Variants in GABRA3 observed in about 807,000 individuals in gnomAD.
The protein encoded by GABRA3 is gamma-aminobutyric acid type A receptor subunit alpha3, also known as gamma-aminobutyric acid receptor subunit alpha-3.
A neutral mutation model predicts 30.1 loss-of-function variants in GABRA3; 10 were observed. That is an observed-to-expected ratio of 0.33 (90% CI 0.20 to 0.56). The LOEUF (loss-of-function observed/expected upper bound fraction) is 0.56, where lower values mean the gene tolerates loss of function less well. Among genes scored for constraint, GABRA3 ranks in the 20% least tolerant of loss-of-function variants. The pLI is 0.89. For missense variants in GABRA3, 233 were observed against 392.0 expected (o/e 0.59, Z 3.42); for synonymous variants, 151 against 146.8 (o/e 1.03, Z -0.21).
chrX:152,280,514 T>C (rs914796067), intron 4 of GABRA3, among the ~76,000 whole-genome samples: 1 of 109,017 alleles, frequency 9.2e-6, no homozygotes, highest in Non-Finnish European at 1.9e-5. Flanking sequence ...ATTAACACAA[T>C]TTTTTTTTCT....
intron 5 of GABRA3, among the ~76,000 whole-genome samples, chrX:152,227,171 G>A (rs1191980230): frequency 9.2e-6 from 1 of 109,166 alleles, no homozygotes; most frequent in African/African-American, 3.4e-5. Context: ...AGAAAATGTG[G>A]CACATATACA....
intron 1 of GABRA3, among the ~76,000 whole-genome samples, chrX:152,368,894 AC>A (rs1358132710): frequency 1.8e-4 from 20 of 109,402 alleles, no homozygotes; most frequent in African/African-American, 6.6e-4. Flanking sequence ...TGTAGTAGAG[AC>A]GGGGTTTCAC....
intron 1 of GABRA3, among the ~76,000 whole-genome samples, chrX:152,415,981 T>C (rs750669928): frequency 7.4e-5 from 8 of 108,789 alleles, no homozygotes; most frequent in African/African-American, 2.6e-4. Flanking sequence ...ATAATGATGA[T>C]TCATTTTTTA....
chrX:152,214,290 ATG>A (rs1263058535), intron 6 of GABRA3, among the ~76,000 whole-genome samples: 1 of 111,187 alleles, frequency 9.0e-6, no homozygotes, highest in Non-Finnish European at 1.9e-5. Context: ...GTGTCTGTGT[ATG>A]TGTTTGTAAA....
At chrX:152,191,055 ATTT>A (rs1487547377) in intron 8 of GABRA3, among the ~76,000 whole-genome samples, 1 of 109,045 alleles carries the variant, frequency 9.2e-6, no homozygotes, top group Admixed American at 1.0e-4. Context: ...TAATACAGAG[ATTT>A]GTTAGGGATT....
intron 1 of GABRA3, among the ~76,000 whole-genome samples, chrX:152,368,701 C>CTTTTTTTTTTTTTTTTT (rs59912352): frequency 4.0e-5 from 2 of 49,565 alleles, no homozygotes; most frequent in African/African-American, 1.6e-4. Context: ...AATTTTTTTT[C>CTTTTTTTTTTTTTTTTT]TTTTTTTTTT....
chrX:152,369,191 T>G (rs1051703832), intron 1 of GABRA3, among the ~76,000 whole-genome samples: 2 of 110,980 alleles, frequency 1.8e-5, no homozygotes, highest in Non-Finnish European at 3.8e-5. Flanking sequence ...TTAGTGATAT[T>G]GAGAATTTTA....
chrX:152,253,250 C>T (rs1010271953), intron 5 of GABRA3, among the ~76,000 whole-genome samples: 1 of 111,648 alleles, frequency 9.0e-6, no homozygotes, highest in African/African-American at 3.3e-5. Flanking sequence ...TCCATTTTCA[C>T]GTTTCCATTT....
chrX:152,189,394 G>C (rs1212107385), intron 9 of GABRA3, among the ~76,000 whole-genome samples: 1 of 111,976 alleles, frequency 8.9e-6, no homozygotes, highest in African/African-American at 3.2e-5. Flanking sequence ...GAGGGGCAGA[G>C]ATGGCCTTAG....
intron 1 of GABRA3, among the ~76,000 whole-genome samples, chrX:152,427,650 C>A (rs189993608): frequency 0.053 from 5,940 of 111,624 alleles, 229 homozygotes; most frequent in African/African-American, 0.13. Flanking sequence ...TTTTAGATTG[C>A]GAACTCCAAA....
chrX:152,364,292 T>A (rs1928592379), intron 2 of GABRA3, 139 bp downstream of exon 2: 3 of 558,401 alleles, frequency 5.4e-6, no homozygotes, highest in South Asian at 4.5e-5. Flanking sequence ...AGCCTATGAC[T>A]TTTTTCTAAA....
chrX:152,382,997 G>A (rs1484205407), intron 1 of GABRA3, among the ~76,000 whole-genome samples: 1 of 111,025 alleles, frequency 9.0e-6, no homozygotes, highest in East Asian at 2.8e-4. Context: ...GATTATTTTG[G>A]CTATTCTGGA....
intron 4 of GABRA3, among the ~76,000 whole-genome samples, chrX:152,273,685 C>T (rs1423547959): frequency 9.0e-6 from 1 of 111,638 alleles, no homozygotes; most frequent in African/African-American, 3.3e-5. Context: ...ATAAGGTAAT[C>T]ACAGAAAGAC....
At chrX:152,212,176 C>G (rs1937635756) in intron 6 of GABRA3, among the ~76,000 whole-genome samples, 1 of 105,010 alleles carries the variant, frequency 9.5e-6, no homozygotes, top group South Asian at 4.5e-4. Context: ...CCCAGCTGCT[C>G]AGGAGGCTGA....
chrX:152,421,132 CAA>C (rs1491258601), intron 1 of GABRA3, among the ~76,000 whole-genome samples: 8 of 96,258 alleles, frequency 8.3e-5, no homozygotes, highest in East Asian at 3.3e-4. Flanking sequence ...CACACACACA[CAA>C]GGCACCTATA....
chrX:152,257,635 TG>T (rs1938659137), intron 4 of GABRA3, among the ~76,000 whole-genome samples: 1 of 112,482 alleles, frequency 8.9e-6, no homozygotes, highest in African/African-American at 3.2e-5. Context: ...TTGCCTAAAC[TG>T]GAACACTTTT....
intron 1 of GABRA3, among the ~76,000 whole-genome samples, chrX:152,385,077 A>G (rs931541383): frequency 9.0e-6 from 1 of 111,650 alleles, no homozygotes; most frequent in African/African-American, 3.2e-5. Context: ...ACCACAAACT[A>G]ATTGATTGAC....
At chrX:152,214,509 G>A (rs1381462026) in intron 6 of GABRA3, among the ~76,000 whole-genome samples, 1 of 111,297 alleles carries the variant, frequency 9.0e-6, no homozygotes, top group African/African-American at 3.3e-5. Context: ...GTCAGGTAGT[G>A]TGATGTCCCC....
At chrX:152,204,599 G>A (rs1303453689) in intron 7 of GABRA3, among the ~76,000 whole-genome samples, 1 of 111,902 alleles carries the variant, frequency 8.9e-6, no homozygotes, top group Non-Finnish European at 1.9e-5. Context: ...TTGTTCAAGG[G>A]TTAAGTGAGT....
Sources: gnomAD v4.1 joint callset for allele counts (sites outside exome capture counted in the v4.1 genomes callset) on GRCh38, gnomAD v4.1.1 for gene constraint, MANE v1.5 for transcripts, NCBI Gene and HGNC (gene_info 2026-07-23, HGNC 2026-07-21) for gene names.